The following NECTIN3 variants were observed in gnomAD, a reference collection of about 807,000 sequenced individuals.
NECTIN3 encodes the protein nectin-3.
Under a neutral mutation model 49.4 loss-of-function variants are expected in NECTIN3, and 8 were observed. The observed-to-expected ratio is 0.16, with a 90% CI of 0.10 to 0.29. The LOEUF is 0.29. Among genes scored for constraint, NECTIN3 ranks in the 10% least tolerant of loss-of-function variants. The pLI is 1.00. For synonymous variants in NECTIN3, 277 were observed against 241.1 expected (o/e 1.15, Z -1.38); for missense variants, 581 against 654.6 (o/e 0.89, Z 1.23).
chr3:111,137,632 T>G (rs1054662149), downstream of NECTIN3: 2 of 324,246 alleles, frequency 6.2e-6, no homozygotes, highest in African/African-American at 4.6e-5. Context: ...TGTGTGTATG[T>G]GCGTGTGTAA....
chr3:111,149,145 C>T (rs1159923680), intron 7 of NECTIN3, among the ~76,000 whole-genome samples: 3 of 152,058 alleles, frequency 2.0e-5, no homozygotes, highest in Non-Finnish European at 2.9e-5. Flanking sequence ...AAAATAAATT[C>T]TCATACATAT....
rs1214797108 is a variant in NECTIN3 at position 111,072,119 on chromosome 3, G to A, written c.102G>A (p.Pro34=). ...LLGAGLLLQP[P]TPPPLLLLLF... ...GAGCCGGGCTCCTGCTGCAGCCCCC[G>A]ACGCCACCTCCGCTGCTGCTGCTGC... Residue 34 remains proline (P), a synonymous_variant, in exon 1 of 6, where the codon CCG becomes CCA. Coordinates refer to ENST00000485303, the MANE Select transcript of NECTIN3 (RefSeq NM_015480.3). 6.5e-7 allele frequency: 1 copy of A among 1,549,452 alleles called. No homozygotes were observed. Among genetic ancestry groups the A allele is most frequent in the Non-Finnish European group, 8.7e-7 (1 of 1,146,258 alleles).
chr3:111,105,502 G>A (rs1576106979), intron 1 of NECTIN3, among the ~76,000 whole-genome samples: 1 of 152,032 alleles, frequency 6.6e-6, no homozygotes, highest in African/African-American at 2.4e-5. Flanking sequence ...ATTTTCTGCT[G>A]CTAATGCATA....
intron 1 of NECTIN3, chr3:111,072,431 T>C: frequency 6.5e-7 from 1 of 1,532,378 alleles, no homozygotes; most frequent in Non-Finnish European, 8.7e-7. Context: ...TGGCCGAGGG[T>C]TGGCGATGGT....
chr3:111,132,910 T>A (rs1288240255), intron 5 of NECTIN3, among the ~76,000 whole-genome samples: 2 of 152,000 alleles, frequency 1.3e-5, no homozygotes, highest in Non-Finnish European at 2.9e-5. Context: ...TGTCTATTAG[T>A]TTCCTTTGGT....
chr3:111,174,951 T>G (rs2035500192), intron 7 of NECTIN3, among the ~76,000 whole-genome samples: 1 of 152,014 alleles, frequency 6.6e-6, no homozygotes, highest in Non-Finnish European at 1.5e-5. Flanking sequence ...ACGGACTCAG[T>G]GGATGAGTGT....
intron 3 of NECTIN3, among the ~76,000 whole-genome samples, chr3:111,121,894 G>A (rs1019155417): frequency 1.3e-5 from 2 of 152,058 alleles, no homozygotes; most frequent in African/African-American, 4.8e-5. Flanking sequence ...TACTCAAACT[G>A]TATGTAGTAG....
chr3:111,117,526 TA>T (rs1290375807), intron 2 of NECTIN3, among the ~76,000 whole-genome samples: 1 of 152,116 alleles, frequency 6.6e-6, no homozygotes, highest in Admixed American at 6.5e-5. Flanking sequence ...TTTCATTTGT[TA>T]TTTTACAGTA....
Position 111,169,326 on chromosome 3 carries a change from G to A in NECTIN3, c.1221+21842G>A, listed in dbSNP as rs1277157940. Among the ~76,000 whole-genome samples the A allele has an allele frequency of 4.0e-5, 6 of 148,320 alleles. No homozygotes were observed. The East Asian group carries it at 1.2e-3, about 30-fold the overall frequency. On this transcript the variant is annotated intron_variant, in intron 7 of 8. Transcript: ENST00000493615. ...AGGATGGTCTCGATCTCCTGACCTC[G>A]TGATCTGCCCGTCTCAGCCTCCCAA...
intron 1 of NECTIN3, among the ~76,000 whole-genome samples, chr3:111,075,663 T>C (rs762706853): frequency 2.0e-5 from 3 of 152,182 alleles, no homozygotes; most frequent in Non-Finnish European, 2.9e-5. Flanking sequence ...TACATCTATA[T>C]ATTGAGTCTT....
chr3:111,145,034 A>G, exon 6 of NECTIN3: 21 of 1,536,012 alleles, frequency 1.4e-5, no homozygotes, highest in Non-Finnish European at 1.7e-5. Flanking sequence ...TATCTTGACA[A>G]AGTGTAGGTA....
At chr3:111,111,166 T>C (rs1283465752) in intron 1 of NECTIN3, among the ~76,000 whole-genome samples, 1 of 152,194 alleles carries the variant, frequency 6.6e-6, no homozygotes, top group East Asian at 1.9e-4. Flanking sequence ...TATTCTGATA[T>C]ACTTGTCAAT....
At chr3:111,175,727 G>A (rs142566686) in intron 7 of NECTIN3, among the ~76,000 whole-genome samples, 1 of 152,038 alleles carries the variant, frequency 6.6e-6, no homozygotes, top group Non-Finnish European at 1.5e-5. Context: ...CTAACTTCCT[G>A]GGACCGAGGG....
At chr3:111,168,566 G>A (rs57955193) in intron 7 of NECTIN3, among the ~76,000 whole-genome samples, 4,765 of 152,190 alleles carry the variant, frequency 0.031, 245 homozygotes, top group African/African-American at 0.11. Flanking sequence ...CCTGTCTTAA[G>A]CATCTACAAA....
In NECTIN3 at chr3:111,193,109, C is replaced by T; in HGVS notation, c.63+696C>T. On this transcript the variant is annotated intron_variant, in intron 1 of 1. Transcript: ENST00000485506. The stretch of plus-strand genomic sequence containing the variant: ...GGCATAATGAATCAGGGACACTAAA[C>T]TGTAGTGAATTCTATTCTTGCCTGT... The T allele has an allele frequency of 5.3e-6, 6 of 1,141,572 alleles. No homozygotes were observed. In the South Asian group the frequency reaches 9.0e-5, roughly 17 times the overall value. 70.7% of individuals were successfully genotyped at this position (1,141,572 alleles called of 1,614,324 possible).
intron 1 of NECTIN3, among the ~76,000 whole-genome samples, chr3:111,108,877 G>A (rs1457397269): frequency 1.3e-5 from 2 of 152,102 alleles, no homozygotes; most frequent in African/African-American, 4.8e-5. Flanking sequence ...CTCTCATTAG[G>A]TCCACCTCCA....
Position 111,137,532 on chromosome 3 carries a change from ATAAAAGT to A in NECTIN3, c.*3323_*3329del. 2 of 970,936 alleles carry A rather than the reference ATAAAAGT, an allele frequency of 2.1e-6. No individual in the cohort carries two copies. Among genetic ancestry groups the A allele is most frequent in the Non-Finnish European group, 2.4e-6 (2 of 819,310 alleles). 60.1% of individuals were successfully genotyped at this position (970,936 alleles called of 1,614,324 possible). ...CAATAGCCATGCATGAAATCTTTAA[ATAAAAGT>A]TAAAAAAGTTCTTTAGAGGCATATT... On this transcript the variant is annotated 3_prime_UTR_variant, in exon 6 of 6. Transcript: ENST00000485303.
At chr3:111,077,440 CA>C (rs1375035600) in intron 1 of NECTIN3, among the ~76,000 whole-genome samples, 6 of 148,816 alleles carry the variant, frequency 4.0e-5, no homozygotes, top group Non-Finnish European at 8.9e-5. Flanking sequence ...GGTTTTATCA[CA>C]AGAAATAAAA....
chr3:111,111,277 T>C (rs1384717731), intron 1 of NECTIN3, among the ~76,000 whole-genome samples: 1 of 152,196 alleles, frequency 6.6e-6, no homozygotes, highest in Non-Finnish European at 1.5e-5. Context: ...GAAAAACGTA[T>C]TATATTGAAG....
Sources: allele counts gnomAD v4.1 joint callset (sites outside exome capture counted in the v4.1 genomes callset), GRCh38; gene constraint gnomAD v4.1.1; transcripts MANE v1.5; gene names NCBI Gene and HGNC (gene_info 2026-07-23, HGNC 2026-07-21).